PHC2: variants seen among roughly 807,000 people sequenced by gnomAD.
The protein encoded by PHC2 is polyhomeotic homolog 2, also known as polyhomeotic-like protein 2.
PHC2 carries 29 observed loss-of-function variants against 87.4 expected under a neutral mutation model. The ratio of observed to expected loss-of-function variants is 0.33; its 90% CI spans 0.25 to 0.45. The LOEUF (loss-of-function observed/expected upper bound fraction) is 0.45. PHC2 is among the 20% of genes least tolerant of loss of function. The pLI is 1.00. For missense variants in PHC2, 857 were observed against 1,136.7 expected (o/e 0.75, Z 3.54); for synonymous variants, 438 against 461.7 (o/e 0.95, Z 0.66).
At position 33,367,168 on chromosome 1, in the gene PHC2, A is replaced by G. The variant is rs149744822; in HGVS notation, c.924T>C (p.Ala308=). The change falls in exon 7 of 15, where the codon GCT becomes GCC. Residue 308 remains alanine, a synonymous_variant. Transcript: ENST00000683057. ...CAGCAGGAACCGTCCGGCTGAGCCC[A>G]GCCCGGCCTTCCATGCTCCCTGGCA... is the stretch of plus-strand genomic sequence containing the variant. ...SSVPGSMEGR[A]GLSRTVPAVA... is the part of the protein sequence containing the mutation. The G allele has an allele frequency of 5.0e-4, 812 of 1,614,086 alleles. 1 individual carries two copies. Among genetic ancestry groups the G allele is most frequent in the Non-Finnish European group, 6.4e-4 (756 of 1,179,970 alleles).
chr1:33,358,979 T>C (rs1211416151), intron 7 of PHC2: 3 of 152,196 alleles, frequency 2.0e-5, no homozygotes, highest in Admixed American at 6.5e-5. Context: ...ATGCTTGGAT[T>C]TGAATTCCAA....
intron 1 of PHC2, among the ~76,000 whole-genome samples, chr1:33,402,632 A>G (rs893401421): frequency 6.6e-6 from 1 of 152,232 alleles, no homozygotes; most frequent in Non-Finnish European, 1.5e-5. Context: ...AATGACATAC[A>G]ATCTCAGGTA....
chr1:33,332,435 G>A lies in PHC2; in HGVS notation c.1762-31C>T. 1 of 1,613,740 alleles carries A rather than the reference G, an allele frequency of 6.2e-7. No homozygotes were observed. Among genetic ancestry groups the A allele is most frequent in the Non-Finnish European group, 8.5e-7 (1 of 1,179,762 alleles). ...GGACAGGTAACACGGAGGCCGTGAGGGTCAGGTGGGAGCGGCTTCCTTGCT... is the reference window on the plus strand; with the variant it reads ...GGACAGGTAACACGGAGGCCGTGAGAGTCAGGTGGGAGCGGCTTCCTTGCT... On this transcript the variant is annotated intron_variant, in intron 10 of 14. Transcript: ENST00000683057. This position sits in a 1 kb window ranked among gnomAD's most constrained non-coding sequence, Gnocchi z 4.2.
At chr1:33,395,629 T>C (rs1234132819) in intron 1 of PHC2, among the ~76,000 whole-genome samples, 1 of 152,198 alleles carries the variant, frequency 6.6e-6, no homozygotes, top group Non-Finnish European at 1.5e-5. Flanking sequence ...GCAAGTATGG[T>C]AAAATGTTAA....
intron 1 of PHC2, among the ~76,000 whole-genome samples, chr1:33,386,567 G>A (rs1017571652): frequency 6.6e-6 from 1 of 151,906 alleles, no homozygotes; most frequent in African/African-American, 2.4e-5. Context: ...GTGTGGTGAC[G>A]CACACCTGTA....
Position 33,369,237 on chromosome 1 carries a change from A to C in PHC2, c.577-615T>G, listed in dbSNP as rs1444975818. Among the ~76,000 whole-genome samples, 3 of 152,180 alleles carry C rather than the reference A, an allele frequency of 2.0e-5. No individual in the cohort carries two copies. Among genetic ancestry groups the C allele is most frequent in the African/African-American group, 7.2e-5 (3 of 41,434 alleles). ...TCCCATCCTGCAGGGTGCAGGATCC[A>C]TGGTGTTCTCTGCATGACACCTCGA... On this transcript the variant is annotated intron_variant, in intron 5 of 14. Coordinates refer to ENST00000683057, the MANE Select transcript of PHC2 (RefSeq NM_001385109.1). The surrounding 1 kb of genome is among the most constrained non-coding windows in gnomAD (Gnocchi z 4.7).
At chr1:33,357,783 C>T (rs1647119549) in intron 7 of PHC2, among the ~76,000 whole-genome samples, 1 of 152,184 alleles carries the variant, frequency 6.6e-6, no homozygotes, top group South Asian at 2.1e-4. Flanking sequence ...CTTTGTTAGG[C>T]CCCCACAGCC....
chr1:33,332,267 A>C lies in PHC2; in HGVS notation c.1891+8T>G. 6.2e-7 allele frequency: 1 copy of C among 1,614,072 alleles called. No individual in the cohort carries two copies. Among genetic ancestry groups the C allele is most frequent in the Non-Finnish European group, 8.5e-7 (1 of 1,179,954 alleles). On this transcript the variant is annotated splice_region_variant and intron_variant, in intron 11 of 14. Coordinates refer to ENST00000683057, the MANE Select transcript of PHC2 (RefSeq NM_001385109.1). The surrounding 1 kb of genome is among the most constrained non-coding windows in gnomAD (Gnocchi z 4.2). ...GAGGCCGAGAGATTCAGGGTCTGAG[A>C]TGCCCACCTTGCAGATAGGGCTCCT...
chr1:33,331,667 A>T lies in PHC2; in HGVS notation c.1892-205T>A. 2.1e-6 allele frequency: 1 copy of T among 468,402 alleles called. No homozygotes were observed. 29.0% of individuals were successfully genotyped at this position (468,402 alleles called of 1,614,324 possible). On this transcript the variant is annotated intron_variant, in intron 11 of 14. Coordinates refer to ENST00000683057, the MANE Select transcript of PHC2 (RefSeq NM_001385109.1). This position sits in a 1 kb window ranked among gnomAD's most constrained non-coding sequence, Gnocchi z 5.2. ...GGGTGTCTGGGGATGCCCCTTGTAG[A>T]CTTGACATTTTTTTCTTCCACGTGG...
At chr1:33,359,815 G>A (rs951261645) in intron 7 of PHC2, among the ~76,000 whole-genome samples, 2 of 152,204 alleles carry the variant, frequency 1.3e-5, no homozygotes, top group African/African-American at 2.4e-5. Context: ...GGAAGACTCA[G>A]AGGCATAAAA....
intron 7 of PHC2, chr1:33,363,640 AG>A: frequency 2.1e-6 from 1 of 474,880 alleles, no homozygotes; most frequent in Non-Finnish European, 2.8e-6. Context: ...TGGCATCTGG[AG>A]GCCCAACTGG....
chr1:33,349,417 G>A lies in PHC2; in HGVS notation c.1558+4984C>T, dbSNP rs570535036. On this transcript the variant is annotated intron_variant, in intron 9 of 14. Coordinates refer to ENST00000683057, the MANE Select transcript of PHC2 (RefSeq NM_001385109.1). This position sits in a 1 kb window ranked among gnomAD's most constrained non-coding sequence, Gnocchi z 4.2. ...GCGCGCAGGGTCCCCAGGCGAGCGA[G>A]GCTGGGGAGCAGGGCACCTCCCAGG... is the stretch of plus-strand genomic sequence containing the variant. 82 of 985,296 alleles carry A rather than the reference G, an allele frequency of 8.3e-5. No homozygotes were observed. In the African/African-American group the frequency reaches 1.3e-3, roughly 16 times the overall value. The allele number at this position is 985,296 out of a possible 1,614,324, so 61.0% of individuals were successfully genotyped here. A position where few individuals can be genotyped will look rare whatever the true frequency, so the allele number is the denominator to read the frequency against.
intron 2 of PHC2, among the ~76,000 whole-genome samples, chr1:33,372,909 G>C (rs1647945610): frequency 6.6e-6 from 1 of 152,196 alleles, no homozygotes; most frequent in Non-Finnish European, 1.5e-5. Flanking sequence ...AGTCAGCAGG[G>C]GGCCTACTCC....
At chr1:33,328,378 AT>A (rs10631917) in intron 14 of PHC2, among the ~76,000 whole-genome samples, 12 of 133,658 alleles carry the variant, frequency 9.0e-5, no homozygotes, top group African/African-American at 1.1e-4. Context: ...TCTTAATTAA[AT>A]TTTTTTTTTT....
chr1:33,366,423 T>C (rs1158464979), intron 7 of PHC2, among the ~76,000 whole-genome samples: 3 of 152,224 alleles, frequency 2.0e-5, no homozygotes, highest in African/African-American at 7.2e-5. Context: ...GCAGGGCATG[T>C]GGATTCATCG....
At position 33,332,436 on chromosome 1, in the gene PHC2, G is replaced by A; in HGVS notation, c.1762-32C>T. ...GACAGGTAACACGGAGGCCGTGAGGGTCAGGTGGGAGCGGCTTCCTTGCTA... is the reference window on the plus strand; with the variant it reads ...GACAGGTAACACGGAGGCCGTGAGGATCAGGTGGGAGCGGCTTCCTTGCTA... On this transcript the variant is annotated intron_variant, in intron 10 of 14. Coordinates refer to ENST00000683057, the MANE Select transcript of PHC2 (RefSeq NM_001385109.1). This position sits in a 1 kb window ranked among gnomAD's most constrained non-coding sequence, Gnocchi z 4.2. 1 of 1,613,732 alleles carries A rather than the reference G, an allele frequency of 6.2e-7. No individual in the cohort carries two copies.
chr1:33,407,311 T>C (rs1244119941), intron 1 of PHC2, among the ~76,000 whole-genome samples: 2 of 152,230 alleles, frequency 1.3e-5, no homozygotes, highest in African/African-American at 4.8e-5. Flanking sequence ...TCTGTGAAAG[T>C]GTTATCTTTG....
At chr1:33,370,705 C>T (rs80292150) in intron 4 of PHC2, 120 bp from the exon 5 acceptor site, 14,783 of 981,320 alleles carry the variant, frequency 0.015, 158 homozygotes, top group Non-Finnish European at 0.017. Context: ...CCTTCAGGAA[C>T]GTCTGTGGTC....
Position 33,355,174 on chromosome 1 carries a change from C to T in PHC2, c.1056G>A (p.Gln352=). The T allele has an allele frequency of 6.2e-7, 1 of 1,609,014 alleles. No homozygotes were observed. The highest frequency in any genetic ancestry group is 8.5e-7 in the Non-Finnish European group (1 of 1,177,790). The change falls in exon 8 of 15, where the codon CAG becomes CAA. Residue 352 remains glutamine (Q), a synonymous_variant. Coordinates refer to ENST00000683057, the MANE Select transcript of PHC2 (RefSeq NM_001385109.1). ...KHLQPQFVIQ[Q]QPQPQQQQPP... is the part of the protein sequence containing the mutation. The stretch of plus-strand genomic sequence containing the variant: ...GCTGCTGCTGTTGTGGCTGTGGCTG[C>T]TGCTGGATCACAAATTGGGGCTGCA...
Sources: allele counts gnomAD v4.1 joint callset (sites outside exome capture counted in the v4.1 genomes callset), GRCh38; gene constraint gnomAD v4.1.1; non-coding constraint Gnocchi (gnomAD v3.1); transcripts MANE v1.5; gene names NCBI Gene and HGNC (gene_info 2026-07-23, HGNC 2026-07-21).